The following ABI3BP variants were observed in gnomAD, a reference collection of about 807,000 sequenced individuals.
ABI3BP encodes target of Nesh-SH3.
ABI3BP carries 216 observed loss-of-function variants against 268.6 expected under a neutral mutation model. The observed-to-expected ratio is 0.80, with a 90% CI of 0.72 to 0.90. The LOEUF (loss-of-function observed/expected upper bound fraction) is 0.90, where lower values mean the gene tolerates loss of function less well. Among genes scored for constraint, ABI3BP ranks in the 40% least tolerant of loss-of-function variants. ABI3BP has a pLI of 0.00. For missense variants in ABI3BP, 2,090 were observed against 2,182.4 expected (o/e 0.96, Z 0.84); for synonymous variants, 730 against 730.0 (o/e 1.00, Z 0.00).
chr3:100,860,257 TG>T (rs1289538089), intron 14 of ABI3BP, among the ~76,000 whole-genome samples: 2 of 152,144 alleles, frequency 1.3e-5, no homozygotes, highest in Non-Finnish European at 2.9e-5. Context: ...AAAAATTAAC[TG>T]TTATAAGGCA....
chr3:100,959,489 CAAAAA>C (rs35465693), intron 1 of ABI3BP, among the ~76,000 whole-genome samples: 24 of 36,094 alleles, frequency 6.6e-4, no homozygotes, highest in African/African-American at 2.4e-3. Flanking sequence ...GACTCCGTCT[CAAAAA>C]AAAAAAAAAA....
chr3:100,977,344 C>T (rs2086754059), intron 1 of ABI3BP, among the ~76,000 whole-genome samples: 1 of 152,194 alleles, frequency 6.6e-6, no homozygotes, highest in Non-Finnish European at 1.5e-5. Context: ...CATACAGTTT[C>T]TGTGGATCAG....
Position 100,793,359 on chromosome 3 carries a change from T to C in ABI3BP, c.3947-591A>G, listed in dbSNP as rs562346180. ...ACACAGCAAATTACACTGTTCACTT[T>C]GCCCATATTGGATCCAAGGAAATAC... On this transcript the variant is annotated intron_variant, in intron 54 of 67. Coordinates refer to ENST00000471714, the MANE Select transcript of ABI3BP (RefSeq NM_001375547.2). Among the ~76,000 whole-genome samples the C allele has an allele frequency of 2.0e-5, 3 of 152,142 alleles. No individual in the cohort carries two copies. The South Asian group carries it at 6.2e-4, about 32-fold the overall frequency.
chr3:100,877,163 T>A (rs959586251), intron 6 of ABI3BP, among the ~76,000 whole-genome samples: 1 of 152,244 alleles, frequency 6.6e-6, no homozygotes, highest in Non-Finnish European at 1.5e-5. Flanking sequence ...CTGTACTGAA[T>A]ATTAGTTTAT....
rs1286476495 is a variant in ABI3BP at position 100,752,719 on chromosome 3, A to G, written c.5122+68T>C. 4 of 1,539,126 alleles carry G rather than the reference A, an allele frequency of 2.6e-6. No individual in the cohort carries two copies. The African/African-American group carries it at 5.5e-5, about 21-fold the overall frequency. On this transcript the variant is annotated intron_variant, in intron 66 of 67. Coordinates refer to ENST00000471714, the MANE Select transcript of ABI3BP (RefSeq NM_001375547.2). ...GCCTGAAACTCTTAAGAAAAGGCCA[A>G]GTTGTACAATGCTGCAAAACATTCC...
chr3:100,930,132 G>T (rs2063137779), intron 1 of ABI3BP, among the ~76,000 whole-genome samples: 1 of 151,928 alleles, frequency 6.6e-6, no homozygotes, highest in Non-Finnish European at 1.5e-5. Context: ...AGTGCCTTAA[G>T]GTAGGGATCA....
chr3:100,882,030 T>C (rs922799963), intron 6 of ABI3BP, among the ~76,000 whole-genome samples: 1 of 152,238 alleles, frequency 6.6e-6, no homozygotes, highest in Non-Finnish European at 1.5e-5. Context: ...AATTTATTTA[T>C]CTGTAAAATG....
At chr3:100,987,926 G>C (rs1017860766) in intron 1 of ABI3BP, among the ~76,000 whole-genome samples, 10 of 152,176 alleles carry the variant, frequency 6.6e-5, no homozygotes, top group African/African-American at 2.4e-4. Context: ...AAACTGTCAA[G>C]AAAATTTAGA....
At chr3:100,835,068 G>A (rs958585425) in intron 28 of ABI3BP, among the ~76,000 whole-genome samples, 7 of 152,330 alleles carry the variant, frequency 4.6e-5, no homozygotes, top group East Asian at 1.9e-4. Context: ...ACATAGGCAC[G>A]TAGACATCAC....
intron 2 of ABI3BP, among the ~76,000 whole-genome samples, chr3:100,914,972 C>T (rs1052811712): frequency 1.3e-5 from 2 of 152,202 alleles, no homozygotes; most frequent in Non-Finnish European, 2.9e-5. Context: ...CGGCTGACTA[C>T]ATAATTTGCA....
Position 100,912,760 on chromosome 3 carries a change from A to T in ABI3BP, c.260-10074T>A, listed in dbSNP as rs1386375540. The stretch of plus-strand genomic sequence containing the variant: ...CCTGAGTAACGTATACCTGAAAAAC[A>T]CCCTTGAGAAATATTGCTGTCTTTA... On this transcript the variant is annotated intron_variant, in intron 2 of 67. Coordinates refer to ENST00000471714, the MANE Select transcript of ABI3BP (RefSeq NM_001375547.2). 2.0e-5 allele frequency among the ~76,000 whole-genome samples: 3 copies of T among 152,166 alleles called. No individual in the cohort carries two copies. The East Asian group carries it at 5.8e-4, about 29-fold the overall frequency.
At chr3:100,945,580 A>G (rs1472614482) in intron 1 of ABI3BP, 1 of 431,058 alleles carries the variant, frequency 2.3e-6, no homozygotes, top group Admixed American at 2.7e-5. Flanking sequence ...ATGGACTTAC[A>G]TGACATGTTC....
At chr3:100,767,541 T>C (rs2096335805) in intron 62 of ABI3BP, among the ~76,000 whole-genome samples, 1 of 149,928 alleles carries the variant, frequency 6.7e-6, no homozygotes, top group Non-Finnish European at 1.5e-5. Context: ...TCCTCAGCTG[T>C]GAAGGGATAT....
chr3:100,990,638 G>C (rs918396679), intron 1 of ABI3BP, among the ~76,000 whole-genome samples: 1 of 150,194 alleles, frequency 6.7e-6, no homozygotes, highest in Non-Finnish European at 1.5e-5. Flanking sequence ...ATGTTCTTAG[G>C]AAGAAAAGTT....
intron 1 of ABI3BP, among the ~76,000 whole-genome samples, chr3:100,948,477 T>A (rs1367799323): frequency 2.0e-5 from 3 of 152,238 alleles, no homozygotes; most frequent in Non-Finnish European, 4.4e-5. Context: ...CTAAAATCAG[T>A]TGTTATTAAT....
At chr3:100,915,780 T>C (rs907372393) in intron 2 of ABI3BP, among the ~76,000 whole-genome samples, 1 of 152,188 alleles carries the variant, frequency 6.6e-6, no homozygotes, top group African/African-American at 2.4e-5. Context: ...ACCCTTCCAC[T>C]TCCAGTGCCT....
At chr3:100,810,227 T>A (rs2097822739) in intron 49 of ABI3BP, among the ~76,000 whole-genome samples, 185 bp downstream of exon 49, 1 of 152,078 alleles carries the variant, frequency 6.6e-6, no homozygotes, top group Admixed American at 6.6e-5. Flanking sequence ...TTTTCAACCA[T>A]ATCCTAAAGA....
chr3:100,899,793 T>C (rs1402220275), intron 3 of ABI3BP, among the ~76,000 whole-genome samples: 5 of 152,218 alleles, frequency 3.3e-5, no homozygotes, highest in African/African-American at 1.2e-4. Context: ...TGTATTGCTG[T>C]TGAATTCCCT....
intron 6 of ABI3BP, among the ~76,000 whole-genome samples, chr3:100,880,341 G>A (rs1400315648): frequency 1.3e-5 from 2 of 152,098 alleles, no homozygotes; most frequent in Admixed American, 1.3e-4. Context: ...ACAGCTTGCC[G>A]ATTCCCCCAT....
Sources: gnomAD v4.1 joint callset for allele counts (sites outside exome capture counted in the v4.1 genomes callset) on GRCh38, gnomAD v4.1.1 for gene constraint, MANE v1.5 for transcripts, NCBI Gene and HGNC (gene_info 2026-07-23, HGNC 2026-07-21) for gene names.